PCCB: variants seen among roughly 807,000 people sequenced by gnomAD.
The protein encoded by PCCB is propionyl-CoA carboxylase subunit beta, also known as propionyl-CoA carboxylase beta chain, mitochondrial.
A neutral mutation model predicts 60.7 loss-of-function variants in PCCB; 43 were observed. The ratio of observed to expected loss-of-function variants is 0.71; its 90% CI spans 0.55 to 0.91. The LOEUF (loss-of-function observed/expected upper bound fraction) is 0.91, where lower values mean the gene tolerates loss of function less well. Ranked by LOEUF, PCCB falls within the 40% of genes least tolerant of loss-of-function variation. PCCB has a pLI of 0.00. For missense variants in PCCB, 766 were observed against 702.8 expected (o/e 1.09, Z -1.02); for synonymous variants, 276 against 255.9 (o/e 1.08, Z -0.75).
At chr3:136,326,268 C>G (rs973682834) in intron 10 of PCCB, 1 of 692,894 alleles carries the variant, frequency 1.4e-6, no homozygotes, top group Non-Finnish European at 2.6e-6. Flanking sequence ...AAGTTGGAAA[C>G]TCTTCTAGGA....
In PCCB at chr3:136,298,054, G is replaced by T. The variant is rs532142254; in HGVS notation, c.866G>T (p.Arg289Leu). The T allele has an allele frequency of 3.1e-6, 5 of 1,614,002 alleles. No individual in the cohort carries two copies. The highest frequency in any genetic ancestry group is 3.4e-6 in the Non-Finnish European group (4 of 1,179,978). The change falls in exon 8 of 15, where the codon CGT (arginine) becomes CTT (leucine). Residue 289 changes from arginine (R) to leucine (L), a missense_variant. Transcript: ENST00000251654. The part of the protein sequence containing the change: ...PLSSQDPAPV[R>L]ECHDPSDRLV... The stretch of plus-strand genomic sequence containing the variant: ...AGCAGTCAGGACCCGGCTCCCGTCC[G>T]TGAGTGCCACGATCCCAGGTGGGTT...
At chr3:136,327,339 G>A in intron 12 of PCCB, 84 bp downstream of exon 12, 1 of 1,011,694 alleles carries the variant, frequency 9.9e-7, no homozygotes, top group South Asian at 1.3e-5. Flanking sequence ...AGTTTTACCA[G>A]GGCTGGAAGG....
At chr3:136,325,601 G>A (rs1156819947) in intron 10 of PCCB, among the ~76,000 whole-genome samples, 1 of 151,682 alleles carries the variant, frequency 6.6e-6, no homozygotes, top group Non-Finnish European at 1.5e-5. Context: ...CAAGTGGTCT[G>A]CCTGCCCGAC....
intron 2 of PCCB, chr3:136,256,261 C>T (rs1941668622): frequency 3.5e-6 from 2 of 565,588 alleles, no homozygotes; most frequent in Admixed American, 3.1e-5. Context: ...CTTTATACGT[C>T]CTCCTTCATG....
At chr3:136,295,609 T>A (rs773538967) in intron 7 of PCCB, among the ~76,000 whole-genome samples, 3 of 152,256 alleles carry the variant, frequency 2.0e-5, no homozygotes, top group Non-Finnish European at 4.4e-5. Context: ...TGTCTTAGAT[T>A]TGATGAAATA....
Position 136,330,033 on chromosome 3 carries a change from C to T in PCCB, c.*7C>T. The T allele has an allele frequency of 6.2e-7, 1 of 1,613,990 alleles. No individual in the cohort carries two copies. The highest frequency in any genetic ancestry group is 8.5e-7 in the Non-Finnish European group (1 of 1,179,942). ...TGCAAATATTCCATTGTAAACAAAT[C>T]AAAGGAAAAGAAACCAAGAACTGAA... On this transcript the variant is annotated 3_prime_UTR_variant, in exon 15 of 15. Transcript: ENST00000251654.
intron 5 of PCCB, among the ~76,000 whole-genome samples, chr3:136,267,243 T>C (rs1942028866): frequency 6.6e-6 from 1 of 152,124 alleles, no homozygotes; most frequent in Non-Finnish European, 1.5e-5. Context: ...CTAGAGTGCG[T>C]TAGTGCAATC....
At chr3:136,299,876 ATGTG>A (rs1576340058) in intron 8 of PCCB, among the ~76,000 whole-genome samples, 1 of 151,558 alleles carries the variant, frequency 6.6e-6, no homozygotes, top group Non-Finnish European at 1.5e-5. Flanking sequence ...ATATGCATGC[ATGTG>A]TATGTACGTA....
At chr3:136,260,325 G>T (rs1178842076) in intron 3 of PCCB, 154 bp from the exon 4 acceptor site, 1 of 707,552 alleles carries the variant, frequency 1.4e-6, no homozygotes, top group Non-Finnish European at 2.6e-6. Flanking sequence ...CCATCCACCT[G>T]CCTTGGCCTC....
intron 4 of PCCB, 137 bp downstream of exon 4, chr3:136,260,672 AG>A: frequency 1.3e-6 from 1 of 740,826 alleles, no homozygotes; most frequent in Non-Finnish European, 2.4e-6. Context: ...ACCAACCCGA[AG>A]GGGTGCATAA....
chr3:136,256,540 G>C lies in PCCB; in HGVS notation c.304-15G>C, dbSNP rs199959693. 2 of 1,599,072 alleles carry C rather than the reference G, an allele frequency of 1.3e-6. No homozygotes were observed. The highest frequency in any genetic ancestry group is 8.6e-7 in the Non-Finnish European group (1 of 1,166,340). ...TTTGGATTTTTTAACCTTTATTTTT[G>C]CATTTTTCTGGTAGTTTCCTGGAGA... On this transcript the variant is annotated splice_polypyrimidine_tract_variant and intron_variant, in intron 2 of 14. Coordinates refer to ENST00000251654, the MANE Select transcript of PCCB (RefSeq NM_000532.5).
intron 5 of PCCB, among the ~76,000 whole-genome samples, chr3:136,279,963 G>T (rs1329917635): frequency 4.6e-5 from 7 of 152,230 alleles, no homozygotes; most frequent in African/African-American, 1.7e-4. Context: ...ACCGCGCCCG[G>T]CCTTTTTATT....
At chr3:136,254,127 T>G (rs1444496337) in intron 1 of PCCB, among the ~76,000 whole-genome samples, 3 of 151,732 alleles carry the variant, frequency 2.0e-5, no homozygotes, top group African/African-American at 7.3e-5. Flanking sequence ...AGGTATGTGG[T>G]TTTTTTTGTT....
At chr3:136,257,818 A>C (rs1013504808) in intron 3 of PCCB, among the ~76,000 whole-genome samples, 4 of 152,166 alleles carry the variant, frequency 2.6e-5, no homozygotes, top group Non-Finnish European at 5.9e-5. Context: ...CTGTAATCCC[A>C]GCTACTTGGG....
At chr3:136,255,742 T>A in intron 1 of PCCB, 114 bp from the exon 2 acceptor site, 1 of 882,174 alleles carries the variant, frequency 1.1e-6, no homozygotes, top group Admixed American at 1.7e-5. Context: ...ATGAAAGTAC[T>A]TGCATTGAGA....
At chr3:136,316,152 C>T (rs1325165217) in intron 9 of PCCB, among the ~76,000 whole-genome samples, 3 of 148,674 alleles carry the variant, frequency 2.0e-5, no homozygotes, top group East Asian at 2.0e-4. Flanking sequence ...CCCAGGAGAT[C>T]GAGGCTGCAG....
At chr3:136,316,810 A>C in intron 9 of PCCB, 131 bp from the exon 10 acceptor site, 3 of 1,029,818 alleles carry the variant, frequency 2.9e-6, no homozygotes, top group Non-Finnish European at 4.5e-6. Context: ...TTCCTTGGAG[A>C]ACCTGTGATA....
intron 1 of PCCB, among the ~76,000 whole-genome samples, chr3:136,253,253 C>T (rs1401150117): frequency 1.3e-5 from 2 of 151,868 alleles, no homozygotes; most frequent in Admixed American, 6.6e-5. Context: ...CCACACCTGG[C>T]TATAATTTTG....
At chr3:136,254,587 C>G (rs887496542) in intron 1 of PCCB, among the ~76,000 whole-genome samples, 1 of 130,116 alleles carries the variant, frequency 7.7e-6, no homozygotes, top group Admixed American at 9.5e-5. Context: ...GGCTGGAGCA[C>G]GGTGGAGTGA....
Sources: gnomAD v4.1 joint callset for allele counts (sites outside exome capture counted in the v4.1 genomes callset) on GRCh38, gnomAD v4.1.1 for gene constraint, MANE v1.5 for transcripts, NCBI Gene and HGNC (gene_info 2026-07-23, HGNC 2026-07-21) for gene names.